Variants in SHISA9 observed in about 807,000 individuals in gnomAD.
The protein encoded by SHISA9 is shisa family member 9.
A neutral mutation model predicts 38.0 loss-of-function variants in SHISA9; 13 were observed. The ratio of observed to expected loss-of-function variants is 0.34; its 90% CI spans 0.22 to 0.54. The LOEUF (loss-of-function observed/expected upper bound fraction) is 0.54, where lower values mean the gene tolerates loss of function less well. SHISA9 is among the 20% of genes least tolerant of loss of function. The probability of loss-of-function intolerance (pLI) is 0.91; values close to 1 mark genes in which losing one functional copy is unlikely to be tolerated. For missense variants in SHISA9, 538 were observed against 575.8 expected (o/e 0.93, Z 0.67); for synonymous variants, 275 against 242.0 (o/e 1.14, Z -1.27).
chr16:13,145,943 T>C (rs2050443561), intron 2 of SHISA9, among the ~76,000 whole-genome samples: 1 of 152,228 alleles, frequency 6.6e-6, no homozygotes, highest in South Asian at 2.1e-4. Context: ...ATCCCAGCAC[T>C]ATGGGAGGCC....
At chr16:13,453,621 A>G in the SHISA9 span, among the ~76,000 whole-genome samples, 1 of 152,234 alleles carries the variant, frequency 6.6e-6, no homozygotes, top group African/African-American at 2.4e-5. Flanking sequence ...AGCTGCCTGA[A>G]GATGCAGGAA....
chr16:13,161,325 T>A (rs956507381), intron 2 of SHISA9, among the ~76,000 whole-genome samples: 1 of 152,166 alleles, frequency 6.6e-6, no homozygotes, highest in Non-Finnish European at 1.5e-5. Flanking sequence ...CTTTGTGTTT[T>A]GGACTCATCT....
chr16:13,309,200 T>C, the SHISA9 span, among the ~76,000 whole-genome samples: 1 of 152,060 alleles, frequency 6.6e-6, no homozygotes, highest in Admixed American at 6.6e-5. Context: ...GGGGGTAATG[T>C]TGGGGCTAGG....
the SHISA9 span, among the ~76,000 whole-genome samples, chr16:13,445,862 G>A: frequency 6.6e-6 from 1 of 152,120 alleles, no homozygotes; most frequent in African/African-American, 2.4e-5. Context: ...CTTTAAAATG[G>A]GGGCTAATAA....
intron 3 of SHISA9, among the ~76,000 whole-genome samples, chr16:13,204,011 C>G (rs2051034528): frequency 6.6e-6 from 1 of 152,100 alleles, no homozygotes; most frequent in Non-Finnish European, 1.5e-5. Context: ...ATCCATCTAT[C>G]TACCTACCTA....
intron 2 of SHISA9, among the ~76,000 whole-genome samples, chr16:13,087,784 C>T (rs1298144472): frequency 1.3e-5 from 2 of 152,106 alleles, no homozygotes; most frequent in African/African-American, 4.8e-5. Context: ...GTTGCCTGTT[C>T]ACTCTGATGG....
the SHISA9 span, among the ~76,000 whole-genome samples, chr16:13,389,805 G>T: frequency 2.0e-5 from 3 of 152,210 alleles, no homozygotes; most frequent in Admixed American, 2.0e-4. Context: ...GGCTGCGATT[G>T]TCCTGGAAAA....
the SHISA9 span, among the ~76,000 whole-genome samples, chr16:13,531,091 T>TTG: frequency 6.6e-6 from 1 of 152,176 alleles, no homozygotes; most frequent in Non-Finnish European, 1.5e-5. Context: ...TGAATCAACC[T>TTG]CCATTGAAAC....
the SHISA9 span, among the ~76,000 whole-genome samples, chr16:13,519,990 A>G: frequency 5.3e-5 from 8 of 152,152 alleles, no homozygotes; most frequent in Admixed American, 2.0e-4. Context: ...TAAAAACAGT[A>G]AGCTCTCTTG....
intron 2 of SHISA9, among the ~76,000 whole-genome samples, chr16:13,074,206 G>GTT (rs2073553987): frequency 6.6e-6 from 1 of 152,058 alleles, no homozygotes; most frequent in Admixed American, 6.6e-5. Flanking sequence ...CTGACCTCAG[G>GTT]TGATCCACCC....
At chr16:13,356,345 A>G in the SHISA9 span, among the ~76,000 whole-genome samples, 1 of 152,216 alleles carries the variant, frequency 6.6e-6, no homozygotes, top group Non-Finnish European at 1.5e-5. Context: ...GTTGCTGCCA[A>G]ACAAGTCATG....
chr16:13,211,612 A>G (rs1289221494), intron 3 of SHISA9, among the ~76,000 whole-genome samples: 1 of 152,230 alleles, frequency 6.6e-6, no homozygotes, highest in Non-Finnish European at 1.5e-5. Flanking sequence ...AATGTCCATG[A>G]GTGTGACCAA....
chr16:12,952,880 C>G (rs2071777932), intron 2 of SHISA9, among the ~76,000 whole-genome samples: 1 of 152,110 alleles, frequency 6.6e-6, no homozygotes, highest in Non-Finnish European at 1.5e-5. Flanking sequence ...ACATTGTCCT[C>G]CTTTCTGCCC....
At chr16:13,518,524 A>G in the SHISA9 span, among the ~76,000 whole-genome samples, 34 of 152,064 alleles carry the variant, frequency 2.2e-4, no homozygotes, top group African/African-American at 8.0e-4. Context: ...CATCCCAGAG[A>G]GTTTGATTAA....
the SHISA9 span, chr16:13,258,276 G>A: frequency 2.6e-5 from 4 of 152,164 alleles, no homozygotes; most frequent in South Asian, 4.1e-4. Flanking sequence ...ACAGATCTAT[G>A]TTTGGGTATG....
intron 2 of SHISA9, among the ~76,000 whole-genome samples, chr16:13,197,197 T>G (rs1168969956): frequency 1.3e-5 from 2 of 151,992 alleles, no homozygotes; most frequent in Non-Finnish European, 2.9e-5. Context: ...TGAGAAGCTC[T>G]TTTCCTACTG....
At chr16:13,037,088 CCACACA>C (rs71147781) in intron 2 of SHISA9, among the ~76,000 whole-genome samples, 67,813 of 128,068 alleles carry the variant, frequency 0.53, 18,638 homozygotes, top group Middle Eastern at 0.62. Flanking sequence ...ACACACCACA[CCACACA>C]CACACACACA....
intron 2 of SHISA9, among the ~76,000 whole-genome samples, chr16:13,101,537 A>G (rs1021442807): frequency 6.6e-6 from 1 of 152,216 alleles, no homozygotes; most frequent in Non-Finnish European, 1.5e-5. Flanking sequence ...CTGGCCAACA[A>G]TCATGTTGTG....
the SHISA9 span, among the ~76,000 whole-genome samples, chr16:13,412,110 C>T: frequency 1.3e-5 from 2 of 152,084 alleles, no homozygotes; most frequent in African/African-American, 4.8e-5. Context: ...AATGTAAGTA[C>T]AGAAAGGGAC....
Sources: gnomAD v4.1 joint callset for allele counts (sites outside exome capture counted in the v4.1 genomes callset) on GRCh38, gnomAD v4.1.1 for gene constraint, MANE v1.5 for transcripts, NCBI Gene and HGNC (gene_info 2026-07-23, HGNC 2026-07-21) for gene names.